The following CACNB2 variants were observed in gnomAD, a reference collection of about 807,000 sequenced individuals.
The protein encoded by CACNB2 is voltage-dependent L-type calcium channel subunit beta-2.
Under a neutral mutation model 73.3 loss-of-function variants are expected in CACNB2, and 42 were observed. The ratio of observed to expected loss-of-function variants is 0.57; its 90% CI spans 0.45 to 0.74. CACNB2 has a LOEUF of 0.74. Ranked by LOEUF, CACNB2 falls within the 30% of genes least tolerant of loss-of-function variation. CACNB2 has a pLI of 0.00. For missense variants in CACNB2, 940 were observed against 853.0 expected (o/e 1.10, Z -1.27); for synonymous variants, 348 against 310.3 (o/e 1.12, Z -1.28).
intron 2 of CACNB2, among the ~76,000 whole-genome samples, chr10:18,179,705 C>A (rs1254746834): frequency 1.3e-5 from 2 of 151,702 alleles, no homozygotes. Context: ...GATTGCATAC[C>A]GGTTCTTTCC....
At chr10:18,350,699 G>C (rs2041671189) in intron 2 of CACNB2, among the ~76,000 whole-genome samples, 1 of 152,212 alleles carries the variant, frequency 6.6e-6, no homozygotes, top group Admixed American at 6.5e-5. Context: ...CAAAAGGCCA[G>C]CTGTTTATTT....
intron 2 of CACNB2, among the ~76,000 whole-genome samples, chr10:18,265,239 C>G (rs184810409): frequency 1.7e-4 from 25 of 151,424 alleles, no homozygotes; most frequent in Middle Eastern, 6.9e-3. Flanking sequence ...CAACCTCCAC[C>G]TCCCGCATTC....
rs183668570 is a variant in CACNB2 at position 18,452,291 on chromosome 10, G to C, written c.334-46064G>C. ...GAAAAAAAATTGAATGGGCCCACGT[G>C]GTGGGGCATGACTATAGTCCTAGCT... On this transcript the variant is annotated intron_variant, in intron 3 of 13. Transcript: ENST00000324631. 1.8e-3 allele frequency among the ~76,000 whole-genome samples: 278 copies of C among 152,128 alleles called. 3 individuals carry two copies. Among genetic ancestry groups the C allele is most frequent in the African/African-American group, 6.2e-3 (258 of 41,518 alleles).
At chr10:18,415,776 T>C (rs1484009338) in intron 3 of CACNB2, among the ~76,000 whole-genome samples, 2 of 152,194 alleles carry the variant, frequency 1.3e-5, no homozygotes, top group East Asian at 3.8e-4. Context: ...TTCATCCTCA[T>C]AACCATTCGT....
intron 3 of CACNB2, among the ~76,000 whole-genome samples, chr10:18,468,743 G>A (rs2132731545): frequency 6.6e-6 from 1 of 152,098 alleles, no homozygotes; most frequent in East Asian, 2.0e-4. Context: ...GGGATTATAG[G>A]CACGCACCAC....
chr10:18,155,902 T>C (rs1564301518), intron 2 of CACNB2, among the ~76,000 whole-genome samples: 2 of 86,124 alleles, frequency 2.3e-5, no homozygotes, highest in African/African-American at 5.9e-5. Context: ...ACATATTATA[T>C]ATATATATAT....
chr10:18,463,590 T>G (rs57214109), intron 3 of CACNB2, among the ~76,000 whole-genome samples: 68,881 of 136,620 alleles, frequency 0.5, 17,320 homozygotes, highest in Non-Finnish European at 0.63. Context: ...AGTTGTTTTT[T>G]TTTTGTTGTT....
chr10:18,285,303 C>T (rs2038738782), intron 2 of CACNB2, among the ~76,000 whole-genome samples: 1 of 152,108 alleles, frequency 6.6e-6, no homozygotes, highest in Non-Finnish European at 1.5e-5. Context: ...CTTTGCAGCT[C>T]CTTAGGGTTT....
chr10:18,445,399 T>G (rs927162014), intron 3 of CACNB2, among the ~76,000 whole-genome samples: 1 of 152,184 alleles, frequency 6.6e-6, no homozygotes, highest in Non-Finnish European at 1.5e-5. Flanking sequence ...TGTGGAGAAT[T>G]TTCTTTTCCA....
chr10:18,375,462 A>G (rs2042758457), intron 2 of CACNB2, among the ~76,000 whole-genome samples: 1 of 152,158 alleles, frequency 6.6e-6, no homozygotes, highest in Non-Finnish European at 1.5e-5. Context: ...CATTGGGAAA[A>G]TGTCAGGCCA....
chr10:18,210,521 A>T (rs1428060717), intron 2 of CACNB2, among the ~76,000 whole-genome samples: 4 of 152,010 alleles, frequency 2.6e-5, no homozygotes, highest in Admixed American at 6.6e-5. Flanking sequence ...GTAGTTAAGA[A>T]CCCAGGGATT....
chr10:18,309,697 T>G (rs935698010), intron 2 of CACNB2, among the ~76,000 whole-genome samples: 3 of 152,060 alleles, frequency 2.0e-5, no homozygotes, highest in Non-Finnish European at 2.9e-5. Context: ...GACCTTATGA[T>G]CCACCCGCCT....
chr10:18,363,561 T>C (rs2132235160), intron 2 of CACNB2, among the ~76,000 whole-genome samples: 1 of 152,322 alleles, frequency 6.6e-6, no homozygotes, highest in Admixed American at 6.5e-5. Flanking sequence ...AAACTACCAG[T>C]ACCTTCCATT....
chr10:18,480,469 T>A (rs1327492450), intron 3 of CACNB2, among the ~76,000 whole-genome samples: 2 of 152,218 alleles, frequency 1.3e-5, no homozygotes, highest in African/African-American at 4.8e-5. Flanking sequence ...TTGTTACTAG[T>A]CCAACGTGTT....
chr10:18,184,874 CTG>C (rs1300984281), intron 2 of CACNB2, among the ~76,000 whole-genome samples: 2 of 152,090 alleles, frequency 1.3e-5, no homozygotes, highest in African/African-American at 4.8e-5. Flanking sequence ...GATGCTCTCT[CTG>C]TTGCCCAGGC....
chr10:18,534,056 A>C lies in CACNB2; in HGVS notation c.1055-20A>C, dbSNP rs780015130. Reference sequence around the variant, plus strand: ...TCTTAAAAATACTGCACTTTAACTGAATTGTTTCGCCCTTTACAGCGGAAG... The same window carrying C: ...TCTTAAAAATACTGCACTTTAACTGCATTGTTTCGCCCTTTACAGCGGAAG... On this transcript the variant is annotated intron_variant, in intron 10 of 13. Transcript: ENST00000324631. The C allele has an allele frequency of 1.7e-5, 27 of 1,613,620 alleles. No individual in the cohort carries two copies. In the Admixed American group the frequency reaches 4.5e-4, roughly 27 times the overall value.
At chr10:18,295,543 C>A (rs1259616519) in intron 2 of CACNB2, among the ~76,000 whole-genome samples, 1 of 152,176 alleles carries the variant, frequency 6.6e-6, no homozygotes, top group Non-Finnish European at 1.5e-5. Context: ...CTACATATAA[C>A]AATGATTACT....
At chr10:18,348,035 T>C (rs965143037) in intron 2 of CACNB2, among the ~76,000 whole-genome samples, 1 of 152,126 alleles carries the variant, frequency 6.6e-6, no homozygotes, top group Non-Finnish European at 1.5e-5. Flanking sequence ...TATAACAATA[T>C]AGAAAAAAGA....
chr10:18,538,333 C>T lies in CACNB2; in HGVS notation c.1456C>T (p.Pro486Ser), dbSNP rs2053806420. 1 of 1,614,096 alleles carries T rather than the reference C, an allele frequency of 6.2e-7. No individual in the cohort carries two copies. The highest frequency in any genetic ancestry group is 8.5e-7 in the Non-Finnish European group (1 of 1,179,968). The change falls in exon 13 of 14, where the codon CCT (proline) becomes TCT (serine). Residue 486 changes from proline to serine, a missense_variant. Pro to Ser is a moderately conservative substitution (Grantham distance 74). Coordinates refer to ENST00000324631, the MANE Select transcript of CACNB2 (RefSeq NM_201596.3). ...CCGTACATTAGCCACTTCAAGTCTGCCTCTTAGCCCCACCCTAGCCTCTAA... is the reference window on the plus strand; with the variant it reads ...CCGTACATTAGCCACTTCAAGTCTGTCTCTTAGCCCCACCCTAGCCTCTAA... ...LSRTLATSSL[P>S]LSPTLASNSQ...
Sources: gnomAD v4.1 joint callset for allele counts (sites outside exome capture counted in the v4.1 genomes callset) on GRCh38, gnomAD v4.1.1 for gene constraint, MANE v1.5 for transcripts, NCBI Gene and HGNC (gene_info 2026-07-23, HGNC 2026-07-21) for gene names.